Variants in ADAMTS15 observed in about 807,000 individuals in gnomAD.
ADAMTS15 encodes ADAM metallopeptidase with thrombospondin type 1 motif 15.
ADAMTS15 carries 35 observed loss-of-function variants against 79.1 expected under a neutral mutation model. That is an observed-to-expected ratio of 0.44 (90% CI 0.34 to 0.59). The LOEUF is 0.59. ADAMTS15 is among the 20% of genes least tolerant of loss of function. The pLI is 0.02. For missense variants in ADAMTS15, 1,324 were observed against 1,318.7 expected (o/e 1.00, Z -0.06); for synonymous variants, 616 against 567.3 (o/e 1.09, Z -1.22).
chr11:130,469,260 A>G lies in ADAMTS15; in HGVS notation c.1543-2A>G, dbSNP rs763895876. On this transcript the variant is annotated splice_acceptor_variant, in intron 4 of 7. Coordinates refer to ENST00000299164, the MANE Select transcript of ADAMTS15 (RefSeq NM_139055.4). LOFTEE classifies it high-confidence loss of function. Reference sequence around the variant, plus strand: ...AGGAATATAACAGGCTCTTCCTCACAGGTGGATGGTTCCTGGGCCAAATGG... The same window carrying G: ...AGGAATATAACAGGCTCTTCCTCACGGGTGGATGGTTCCTGGGCCAAATGG... 4 of 1,395,142 alleles carry G rather than the reference A, an allele frequency of 2.9e-6. No homozygotes were observed. The highest frequency in any genetic ancestry group is 3.7e-6 in the Non-Finnish European group (4 of 1,070,142). The allele number at this position is 1,395,142 out of a possible 1,614,324, so 86.4% of individuals were successfully genotyped here. A position where few individuals can be genotyped will look rare whatever the true frequency, so the allele number is the denominator to read the frequency against.
chr11:130,471,093 GC>G lies in ADAMTS15; in HGVS notation c.1895del (p.Ala632AspfsTer54). The stretch of plus-strand genomic sequence containing the variant: ...TGGCACTGGCTACTTCTATGTGCTG[GC>G]ACCCAAGGTGAGTGAGCCTGGGGCC... ...ANGTGYFYVL[A>X]PKVVDGTLCS... On this transcript the variant is annotated frameshift_variant, in exon 6 of 8. Coordinates refer to ENST00000299164, the MANE Select transcript of ADAMTS15 (RefSeq NM_139055.4). LOFTEE classifies it high-confidence loss of function. The G allele has an allele frequency of 6.2e-7, 1 of 1,612,928 alleles. No individual in the cohort carries two copies. Among genetic ancestry groups the G allele is most frequent in the Non-Finnish European group, 8.5e-7 (1 of 1,179,440 alleles).
At chr11:130,467,862 C>G (rs1470858267) in intron 4 of ADAMTS15, among the ~76,000 whole-genome samples, 1 of 151,752 alleles carries the variant, frequency 6.6e-6, no homozygotes, top group Non-Finnish European at 1.5e-5. Flanking sequence ...TTAATAATGT[C>G]TTATCTTTAT....
At position 130,469,407 on chromosome 11, in the gene ADAMTS15, G is replaced by T. The variant is rs200435814; in HGVS notation, c.1688G>T (p.Arg563Leu). Reference sequence around the variant, plus strand: ...TGCGAGGGAGTGAGGGTGAAATACCGATCCTGCAATCTGGAGCCCTGCCCC... The same window carrying T: ...TGCGAGGGAGTGAGGGTGAAATACCTATCCTGCAATCTGGAGCCCTGCCCC... ...KYCEGVRVKY[R>L]SCNLEPCPSS... The change falls in exon 5 of 8, where the codon CGA becomes CTA. Residue 563 changes from arginine to leucine, a missense_variant. Transcript: ENST00000299164. The T allele has an allele frequency of 1.5e-6, 2 of 1,348,892 alleles. No individual in the cohort carries two copies. The highest frequency in any genetic ancestry group is 1.5e-5 in the African/African-American group (1 of 66,556). 83.6% of individuals were successfully genotyped at this position (1,348,892 alleles called of 1,614,324 possible). A position where few individuals can be genotyped will look rare whatever the true frequency, so the allele number is the denominator to read the frequency against.
At chr11:130,469,532 C>T (rs937356759) in intron 5 of ADAMTS15, 93 bp downstream of exon 5, 9 of 1,006,086 alleles carry the variant, frequency 8.9e-6, no homozygotes, top group African/African-American at 3.4e-5. Context: ...TGCATGGCCT[C>T]CAGGTAATTG....
At chr11:130,456,366 C>T (rs925532384) in intron 1 of ADAMTS15, among the ~76,000 whole-genome samples, 1 of 152,118 alleles carries the variant, frequency 6.6e-6, no homozygotes, top group Non-Finnish European at 1.5e-5. Flanking sequence ...TTGGTGACCT[C>T]ACTCTCTTGC....
intron 7 of ADAMTS15, 33 bp from the exon 8 acceptor site, chr11:130,473,014 T>A (rs536852374): frequency 6.2e-7 from 1 of 1,607,672 alleles, no homozygotes; most frequent in South Asian, 1.1e-5. Context: ...TCCAGGCTTC[T>A]ATCTGATGCA....
In ADAMTS15 at chr11:130,472,872, G is replaced by A. The variant is rs111474192; in HGVS notation, c.2079-175G>A. ...TGTGGAGGCTTGGAGAAGTTCAGCA[G>A]CTTTCCAGCACCAATCGCCAAGGGG... On this transcript the variant is annotated intron_variant, in intron 7 of 7. Coordinates refer to ENST00000299164, the MANE Select transcript of ADAMTS15 (RefSeq NM_139055.4). This position sits in a 1 kb window ranked among gnomAD's most constrained non-coding sequence, Gnocchi z 4.7. Among the ~76,000 whole-genome samples, 1,198 of 152,358 alleles carry A rather than the reference G, an allele frequency of 7.9e-3. 18 individuals carry two copies. Among genetic ancestry groups the A allele is most frequent in the African/African-American group, 0.027 (1,114 of 41,582 alleles).
Position 130,473,088 on chromosome 11 carries a change from C to T in ADAMTS15, c.2120C>T (p.Ser707Leu). The T allele has an allele frequency of 6.2e-7, 1 of 1,613,888 alleles. No individual in the cohort carries two copies. Among genetic ancestry groups the T allele is most frequent in the Non-Finnish European group, 8.5e-7 (1 of 1,180,034 alleles). ...GTGGTGGCCATCCCCGCAGGCGCCT[C>T]AAGCATCGACATCCGCCAGCGCGGT... The part of the protein sequence containing the change: ...NFVVAIPAGA[S>L]SIDIRQRGYK... The change falls in exon 8 of 8, where the codon TCA becomes TTA. Residue 707 changes from serine (S) to leucine (L), a missense_variant. Coordinates refer to ENST00000299164, the MANE Select transcript of ADAMTS15 (RefSeq NM_139055.4).
intron 1 of ADAMTS15, among the ~76,000 whole-genome samples, chr11:130,460,391 C>T (rs1938174903): frequency 6.6e-6 from 1 of 152,060 alleles, no homozygotes; most frequent in Non-Finnish European, 1.5e-5. Context: ...ATTCTCCTGC[C>T]TCAGCCTCCC....
In ADAMTS15 at chr11:130,471,322, G is replaced by C. The variant is rs888275704; in HGVS notation, c.2017G>C (p.Gly673Arg). 6 of 1,612,712 alleles carry C rather than the reference G, an allele frequency of 3.7e-6. No homozygotes were observed. The South Asian group carries it at 6.6e-5, about 18-fold the overall frequency. Reference protein sequence around the residue: ...LGSKKRFDKCGVCGGDNKSCK... With the variant: ...LGSKKRFDKCRVCGGDNKSCK... ...CTCCAAGAAGAGATTCGACAAGTGT[G>C]GGGTGTGTGGGGGAGACAATAAGAG... The change falls in exon 7 of 8, where the codon GGG becomes CGG. Residue 673 changes from glycine to arginine, a missense_variant. Physicochemically the swap from Gly to Arg is moderately radical, Grantham distance 125. Transcript: ENST00000299164.
At chr11:130,463,894 T>C (rs1938252492) in intron 4 of ADAMTS15, among the ~76,000 whole-genome samples, 1 of 152,028 alleles carries the variant, frequency 6.6e-6, no homozygotes, top group Non-Finnish European at 1.5e-5. Context: ...GGATGAAAAT[T>C]GTCACGGGAG....
chr11:130,449,357 C>T lies in ADAMTS15; in HGVS notation c.384C>T (p.Gly128=). 2 of 1,606,578 alleles carry T rather than the reference C, an allele frequency of 1.2e-6. No individual in the cohort carries two copies. Among genetic ancestry groups the T allele is most frequent in the Non-Finnish European group, 8.5e-7 (1 of 1,179,970 alleles). The change falls in exon 1 of 8, where the codon GGC becomes GGT. Residue 128 remains glycine, a synonymous_variant. Transcript: ENST00000299164. This position sits in a 1 kb window ranked among gnomAD's most constrained non-coding sequence, Gnocchi z 7.8. ...GCGGGGGGCTCCGCGGAGCCTTTGGCTACCGAGGCGCCGAGTATGTCATTA... is the reference window on the plus strand; with the variant it reads ...GCGGGGGGCTCCGCGGAGCCTTTGGTTACCGAGGCGCCGAGTATGTCATTA... ...SLCGGLRGAF[G]YRGAEYVISP... is the part of the protein sequence containing the mutation.
chr11:130,466,765 C>T (rs1230960868), intron 4 of ADAMTS15, among the ~76,000 whole-genome samples: 4 of 152,218 alleles, frequency 2.6e-5, no homozygotes, highest in Non-Finnish European at 5.9e-5. Context: ...CCCCGGCTCC[C>T]ATTTCTCGCT....
In ADAMTS15 at chr11:130,472,674, C is replaced by T. The variant is rs1938480920; in HGVS notation, c.2079-373C>T. Among the ~76,000 whole-genome samples, 1 of 148,046 alleles carries T rather than the reference C, an allele frequency of 6.8e-6. No individual in the cohort carries two copies. The highest frequency in any genetic ancestry group is 1.5e-5 in the Non-Finnish European group (1 of 67,872). On this transcript the variant is annotated intron_variant, in intron 7 of 7. Transcript: ENST00000299164. This position sits in a 1 kb window ranked among gnomAD's most constrained non-coding sequence, Gnocchi z 4.7. The stretch of plus-strand genomic sequence containing the variant: ...TGGGATGGTGGACTTACTCCTCCCG[C>T]CCCACCCCTCCTCCTCCTCCTCCTC...
intron 5 of ADAMTS15, among the ~76,000 whole-genome samples, chr11:130,470,207 T>TATATATAC (rs1204201965): frequency 3.3e-5 from 2 of 60,210 alleles, no homozygotes; most frequent in Non-Finnish European, 3.1e-5. Flanking sequence ...TATATATATA[T>TATATATAC]ATGTATATAT....
chr11:130,461,661 G>C, intron 2 of ADAMTS15, 40 bp downstream of exon 2: 1 of 1,610,184 alleles, frequency 6.2e-7, no homozygotes, highest in Non-Finnish European at 8.5e-7. Context: ...TTCTGGGTTT[G>C]CCTGGGGAGC....
chr11:130,471,600 G>A (rs1034072711), intron 7 of ADAMTS15, among the ~76,000 whole-genome samples: 6 of 152,188 alleles, frequency 3.9e-5, no homozygotes, highest in African/African-American at 9.6e-5. Context: ...AAGCAAAGAC[G>A]AATGCTGGGG....
chr11:130,473,176 G>A lies in ADAMTS15; in HGVS notation c.2208G>A (p.Leu736=), dbSNP rs543304060. Residue 736 remains leucine (L), a synonymous_variant, in exon 8 of 8, where the codon CTG becomes CTA. Coordinates refer to ENST00000299164, the MANE Select transcript of ADAMTS15 (RefSeq NM_139055.4). ...LALKNSQGKY[L]LNGHFVVSAV... ...TGAAGAACAGCCAAGGCAAGTACCT[G>A]CTCAACGGGCATTTCGTGGTGTCGG... The A allele has an allele frequency of 6.2e-7, 1 of 1,614,112 alleles. No individual in the cohort carries two copies. Among genetic ancestry groups the A allele is most frequent in the East Asian group, 2.2e-5 (1 of 44,872 alleles).
intron 4 of ADAMTS15, among the ~76,000 whole-genome samples, chr11:130,466,837 C>T (rs1481389515): frequency 3.9e-5 from 6 of 152,162 alleles, no homozygotes; most frequent in African/African-American, 1.2e-4. Flanking sequence ...GGCCTGTGCA[C>T]TTTCTCCCTC....
Sources: gnomAD v4.1 joint callset for allele counts (sites outside exome capture counted in the v4.1 genomes callset) on GRCh38, gnomAD v4.1.1 for gene constraint, Gnocchi (gnomAD v3.1) non-coding constraint, MANE v1.5 for transcripts, NCBI Gene and HGNC (gene_info 2026-07-23, HGNC 2026-07-21) for gene names.